DNAAF9: variants seen among roughly 807,000 people sequenced by gnomAD.
DNAAF9 encodes shulin.
DNAAF9 carries 90 observed loss-of-function variants against 167.0 expected under a neutral mutation model. The ratio of observed to expected loss-of-function variants is 0.54; its 90% CI spans 0.45 to 0.64. DNAAF9 has a LOEUF of 0.64. Among genes scored for constraint, DNAAF9 ranks in the 30% least tolerant of loss-of-function variants. DNAAF9 has a pLI of 0.00. For missense variants in DNAAF9, 1,315 were observed against 1,442.2 expected (o/e 0.91, Z 1.43); for synonymous variants, 491 against 508.8 (o/e 0.96, Z 0.47).
At position 3,347,447 on chromosome 20, in the gene DNAAF9, C is replaced by A. The variant is rs923472197; in HGVS notation, c.789+1078G>T. Among the ~76,000 whole-genome samples, 57 of 152,024 alleles carry A rather than the reference C, an allele frequency of 3.7e-4. 1 individual carries two copies. The highest frequency in any genetic ancestry group is 1.5e-5 in the Non-Finnish European group (1 of 68,010). ...TGCCAAGGGGAAGTCTGGGTCTACA[C>A]AAAGGAATGAAGAGCACCAGAGAGA... is the stretch of plus-strand genomic sequence containing the variant. On this transcript the variant is annotated intron_variant, in intron 8 of 36. Coordinates refer to ENST00000252032, the MANE Select transcript of DNAAF9 (RefSeq NM_001009984.3).
chr20:3,407,405 A>C (rs1174696409), intron 1 of DNAAF9, 70 bp downstream of exon 1: 1 of 1,171,666 alleles, frequency 8.5e-7, no homozygotes, highest in Non-Finnish European at 1.1e-6. Flanking sequence ...CTGCGGCGGG[A>C]GGCGTCGCCG....
intron 1 of DNAAF9, among the ~76,000 whole-genome samples, chr20:3,396,387 T>C (rs1433454822): frequency 1.3e-5 from 2 of 152,258 alleles, no homozygotes; most frequent in South Asian, 2.1e-4. Context: ...CAACTTTTTA[T>C]TGAGCACCTA....
At chr20:3,376,059 A>T in intron 4 of DNAAF9, 119 bp downstream of exon 4, 1 of 920,584 alleles carries the variant, frequency 1.1e-6, no homozygotes, top group Non-Finnish European at 1.6e-6. Context: ...TCAAACAGAT[A>T]ATCTTTTTTA....
At chr20:3,357,775 T>A (rs1285191464) in intron 7 of DNAAF9, among the ~76,000 whole-genome samples, 1 of 151,948 alleles carries the variant, frequency 6.6e-6, no homozygotes, top group Non-Finnish European at 1.5e-5. Flanking sequence ...CTCGGCTCAT[T>A]GCAACCTCTG....
chr20:3,314,775 G>A (rs1362272197), intron 20 of DNAAF9, among the ~76,000 whole-genome samples: 2 of 152,174 alleles, frequency 1.3e-5, no homozygotes, highest in East Asian at 3.8e-4. Context: ...TGGAAATGCT[G>A]CTGCCCTAGC....
chr20:3,390,126 A>G (rs999752836), intron 1 of DNAAF9, among the ~76,000 whole-genome samples: 1 of 152,238 alleles, frequency 6.6e-6, no homozygotes, highest in Admixed American at 6.5e-5. Flanking sequence ...TTAGGGATCT[A>G]CTGTTAATTT....
chr20:3,385,731 T>C (rs964308875), intron 1 of DNAAF9, among the ~76,000 whole-genome samples: 1 of 152,226 alleles, frequency 6.6e-6, no homozygotes, highest in Non-Finnish European at 1.5e-5. Flanking sequence ...AAAACCAAAA[T>C]TTAAAATACA....
At chr20:3,307,208 G>T in intron 20 of DNAAF9, 11 of 956,636 alleles carry the variant, frequency 1.1e-5, no homozygotes, top group Non-Finnish European at 1.2e-5. Flanking sequence ...AAATGGAAAA[G>T]AGGAAGACAA....
At chr20:3,287,579 T>C (rs1222955203) in intron 27 of DNAAF9, 53 bp downstream of exon 27, 2 of 1,563,778 alleles carry the variant, frequency 1.3e-6, no homozygotes, top group Non-Finnish European at 1.8e-6. Flanking sequence ...ATAAGAGTAA[T>C]GGCAAGGTCA....
chr20:3,295,770 T>C, intron 23 of DNAAF9: 1 of 751,778 alleles, frequency 1.3e-6, no homozygotes, highest in South Asian at 1.3e-5. Context: ...GTCCTCCTTG[T>C]CCTGCAAATG....
intron 1 of DNAAF9, among the ~76,000 whole-genome samples, chr20:3,398,834 C>CAAAGGAGAGA: frequency 6.6e-6 from 1 of 152,266 alleles, no homozygotes; most frequent in South Asian, 2.1e-4. Context: ...CAAAACTAGA[C>CAAAGGAGAGA]ATGGGGAGAA....
intron 34 of DNAAF9, 106 bp downstream of exon 34, chr20:3,255,900 A>G: frequency 1.2e-6 from 1 of 815,190 alleles, no homozygotes; most frequent in Non-Finnish European, 2.0e-6. Flanking sequence ...GAGGAAGCCC[A>G]GTGGGGAGGC....
chr20:3,286,758 G>C (rs918356623), intron 27 of DNAAF9, among the ~76,000 whole-genome samples: 1 of 152,192 alleles, frequency 6.6e-6, no homozygotes, highest in Non-Finnish European at 1.5e-5. Flanking sequence ...TCACAGCCAG[G>C]ACACCAAAGG....
chr20:3,387,644 C>A (rs1245705000), intron 1 of DNAAF9, among the ~76,000 whole-genome samples: 2 of 151,896 alleles, frequency 1.3e-5, no homozygotes, highest in African/African-American at 4.8e-5. Flanking sequence ...ATAAACTGGA[C>A]ATTTAAAATT....
At chr20:3,307,509 T>A (rs1356097829) in intron 20 of DNAAF9, among the ~76,000 whole-genome samples, 1 of 152,102 alleles carries the variant, frequency 6.6e-6, no homozygotes, top group African/African-American at 2.4e-5. Context: ...GACAGTGGTC[T>A]GAGGGCCATA....
At chr20:3,306,501 G>C (rs1351713688) in intron 20 of DNAAF9, among the ~76,000 whole-genome samples, 1 of 152,166 alleles carries the variant, frequency 6.6e-6, no homozygotes, top group Non-Finnish European at 1.5e-5. Flanking sequence ...AATTGTAACA[G>C]GTGGTATTAT....
intron 10 of DNAAF9, among the ~76,000 whole-genome samples, chr20:3,332,986 C>T (rs895245371): frequency 2.7e-5 from 4 of 150,818 alleles, no homozygotes; most frequent in African/African-American, 9.8e-5. Flanking sequence ...ACTCAGTTAG[C>T]CCAGGGATGC....
intron 7 of DNAAF9, 21 bp from the exon 8 acceptor site, chr20:3,348,644 A>G (rs772280888): frequency 1.3e-6 from 2 of 1,505,766 alleles, no homozygotes; most frequent in African/African-American, 1.4e-5. Flanking sequence ...AAGGAAAAAG[A>G]TAACGTGTTT....
Position 3,398,525 on chromosome 20 carries a change from T to G in DNAAF9, c.83+8950A>C, listed in dbSNP as rs376190636. The stretch of plus-strand genomic sequence containing the variant: ...GAAAAGCATTAAAAAAAAAATTGGA[T>G]GGATAGAGAAAAGGATCTGCCTTAT... On this transcript the variant is annotated intron_variant, in intron 1 of 36. Transcript: ENST00000252032. Among the ~76,000 whole-genome samples, 9 of 151,826 alleles carry G rather than the reference T, an allele frequency of 5.9e-5. No homozygotes were observed. In the East Asian group the frequency reaches 1.6e-3, roughly 26 times the overall value.
Sources: gnomAD v4.1 joint callset for allele counts (sites outside exome capture counted in the v4.1 genomes callset) on GRCh38, gnomAD v4.1.1 for gene constraint, MANE v1.5 for transcripts, NCBI Gene and HGNC (gene_info 2026-07-23, HGNC 2026-07-21) for gene names.